The following CCSER1 variants were observed in gnomAD, a reference collection of about 807,000 sequenced individuals.
The protein encoded by CCSER1 is coiled-coil serine rich protein 1, also known as serine-rich coiled-coil domain-containing protein 1.
A neutral mutation model predicts 82.0 loss-of-function variants in CCSER1; 41 were observed. That is an observed-to-expected ratio of 0.50 (90% CI 0.39 to 0.65). The LOEUF (loss-of-function observed/expected upper bound fraction) is 0.65, where lower values mean the gene tolerates loss of function less well. Among genes scored for constraint, CCSER1 ranks in the 30% least tolerant of loss-of-function variants. The pLI is 0.00. For synonymous variants in CCSER1, 414 were observed against 383.9 expected (o/e 1.08, Z -0.92); for missense variants, 1,119 against 1,064.2 (o/e 1.05, Z -0.72).
At chr4:91,003,985 A>T (rs371573234) in intron 9 of CCSER1, among the ~76,000 whole-genome samples, 1 of 152,228 alleles carries the variant, frequency 6.6e-6, no homozygotes, top group East Asian at 1.9e-4. Context: ...CATGATCTAG[A>T]CCTTCAGGTT....
chr4:91,391,484 A>C (rs901289809), intron 10 of CCSER1, among the ~76,000 whole-genome samples: 24 of 151,994 alleles, frequency 1.6e-4, no homozygotes, highest in African/African-American at 5.3e-4. Context: ...ATTTTTTTGT[A>C]CAGATGGTGT....
At chr4:90,397,415 G>A (rs1752125790) in intron 3 of CCSER1, among the ~76,000 whole-genome samples, 1 of 152,096 alleles carries the variant, frequency 6.6e-6, no homozygotes, top group South Asian at 2.1e-4. Flanking sequence ...TTCAAATTGT[G>A]GGTGAATGTA....
chr4:91,164,730 G>T (rs778613159), intron 10 of CCSER1, among the ~76,000 whole-genome samples: 1 of 151,992 alleles, frequency 6.6e-6, no homozygotes, highest in South Asian at 2.1e-4. Flanking sequence ...ATTGGCTTTT[G>T]AAGGTTGTGC....
At chr4:91,133,313 A>C (rs1407745398) in intron 10 of CCSER1, among the ~76,000 whole-genome samples, 1 of 151,996 alleles carries the variant, frequency 6.6e-6, no homozygotes, top group Non-Finnish European at 1.5e-5. Context: ...AGGCAGGAAC[A>C]GAAGAATTCA....
At chr4:91,598,521 C>T in intron 10 of CCSER1, 51 bp from the exon 11 acceptor site, 1 of 1,488,716 alleles carries the variant, frequency 6.7e-7, no homozygotes, top group African/African-American at 1.4e-5. Flanking sequence ...TGTATGTATG[C>T]TATGAAAGTG....
chr4:91,531,937 T>G (rs1004142208), intron 10 of CCSER1, among the ~76,000 whole-genome samples: 1 of 152,192 alleles, frequency 6.6e-6, no homozygotes, highest in Non-Finnish European at 1.5e-5. Flanking sequence ...GATCTCAAAC[T>G]CTTGTGCTCA....
At chr4:91,512,546 GC>G (rs1283648580) in intron 10 of CCSER1, among the ~76,000 whole-genome samples, 1 of 152,152 alleles carries the variant, frequency 6.6e-6, no homozygotes, top group Non-Finnish European at 1.5e-5. Context: ...CTTGAAGACA[GC>G]CTATTGTGAG....
At chr4:91,454,791 G>A (rs1756061690) in intron 10 of CCSER1, among the ~76,000 whole-genome samples, 1 of 151,766 alleles carries the variant, frequency 6.6e-6, no homozygotes, top group Non-Finnish European at 1.5e-5. Context: ...TGTTCTGTCT[G>A]GTGTTAATTT....
At chr4:90,161,588 A>G (rs917257845) in intron 1 of CCSER1, among the ~76,000 whole-genome samples, 1 of 152,144 alleles carries the variant, frequency 6.6e-6, no homozygotes, top group Non-Finnish European at 1.5e-5. Flanking sequence ...GAGAATAATT[A>G]TAGAAAATAA....
chr4:91,056,203 GGTTT>G (rs1743430438), intron 9 of CCSER1, among the ~76,000 whole-genome samples: 1 of 151,818 alleles, frequency 6.6e-6, no homozygotes, highest in East Asian at 1.9e-4. Flanking sequence ...CATTTTTGTT[GGTTT>G]GTTTTTTCCT....
intron 10 of CCSER1, among the ~76,000 whole-genome samples, chr4:91,493,362 G>A (rs945269203): frequency 1.3e-5 from 2 of 151,634 alleles, no homozygotes; most frequent in African/African-American, 4.8e-5. Flanking sequence ...AAATATTTAT[G>A]TGTATTATTA....
intron 10 of CCSER1, among the ~76,000 whole-genome samples, chr4:91,148,937 A>C (rs1729832482): frequency 6.6e-6 from 1 of 152,178 alleles, no homozygotes; most frequent in Non-Finnish European, 1.5e-5. Context: ...TAGTGCCACA[A>C]TAAACATACG....
At chr4:90,746,780 G>C (rs1395805907) in intron 7 of CCSER1, among the ~76,000 whole-genome samples, 1 of 152,184 alleles carries the variant, frequency 6.6e-6, no homozygotes, top group Non-Finnish European at 1.5e-5. Flanking sequence ...AAAACTGTCT[G>C]TTTGCTTAGA....
chr4:91,272,308 G>T (rs545037331), intron 10 of CCSER1, among the ~76,000 whole-genome samples: 1 of 152,260 alleles, frequency 6.6e-6, no homozygotes, highest in East Asian at 1.9e-4. Context: ...GCAGGATAAG[G>T]TGGTGTCCCA....
chr4:90,431,652 A>G (rs1015064718), intron 4 of CCSER1, among the ~76,000 whole-genome samples: 6 of 152,114 alleles, frequency 3.9e-5, no homozygotes, highest in African/African-American at 1.2e-4. Context: ...GCTTTTTATT[A>G]GTGTAGCCCT....
At chr4:90,615,747 AC>A (rs1318211691) in intron 5 of CCSER1, among the ~76,000 whole-genome samples, 1 of 152,158 alleles carries the variant, frequency 6.6e-6, no homozygotes, top group East Asian at 1.9e-4. Context: ...TGAAATTACA[AC>A]AAAAAATTTA....
At chr4:90,870,251 GT>G (rs572143067) in intron 8 of CCSER1, among the ~76,000 whole-genome samples, 77 of 152,030 alleles carry the variant, frequency 5.1e-4, no homozygotes, top group Admixed American at 8.5e-4. Context: ...TGGTGAAAGT[GT>G]ACTCTTGTTG....
intron 1 of CCSER1, among the ~76,000 whole-genome samples, chr4:90,175,348 G>A (rs1458698686): frequency 6.6e-6 from 1 of 151,832 alleles, no homozygotes; most frequent in Admixed American, 6.6e-5. Context: ...ATGAAGAAGG[G>A]GTAAGATGTA....
intron 3 of CCSER1, among the ~76,000 whole-genome samples, chr4:90,338,019 A>T (rs1740729942): frequency 6.6e-6 from 1 of 152,182 alleles, no homozygotes; most frequent in African/African-American, 2.4e-5. Flanking sequence ...CAGGATCTGA[A>T]GCCATATTGA....
Sources: allele counts gnomAD v4.1 joint callset (sites outside exome capture counted in the v4.1 genomes callset), GRCh38; gene constraint gnomAD v4.1.1; transcripts MANE v1.5; gene names NCBI Gene and HGNC (gene_info 2026-07-23, HGNC 2026-07-21).